MORN2: variants seen among roughly 807,000 people sequenced by gnomAD.
MORN2 encodes MORN repeat-containing protein 2.
MORN2 carries 15 observed loss-of-function variants against 13.4 expected under a neutral mutation model. The ratio of observed to expected loss-of-function variants is 1.12; its 90% CI spans 0.75 to 1.72. The LOEUF is 1.72. Among genes scored for constraint, MORN2 ranks in the 40% most tolerant of loss-of-function variants. The pLI, the probability that MORN2 is intolerant of heterozygous loss-of-function variation, is 0.00. For missense variants in MORN2, 168 were observed against 134.6 expected, an observed-to-expected ratio of 1.25 and a Z score of -1.23; for synonymous variants, 46 against 43.6, an observed-to-expected ratio of 1.06 and a Z score of -0.22.
rs1035728932 is a variant in MORN2 at position 38,882,360 on chromosome 2, G to C, written c.354-53G>C. On this transcript the variant is annotated intron_variant, in intron 4 of 4. Coordinates refer to ENST00000644631, the MANE Select transcript of MORN2 (RefSeq NM_001145450.3). ...ATTATGCTAGAAAATCTTATATCTG[G>C]ACTGTAAATTATTCATCTTTGTTAA... 8 of 1,143,850 alleles carry C rather than the reference G, an allele frequency of 7.0e-6. No homozygotes were observed. In the Admixed American group the frequency reaches 1.6e-4, roughly 24 times the overall value. The allele number at this position is 1,143,850 out of a possible 1,614,324, so 70.9% of individuals were successfully genotyped here. A position where few individuals can be genotyped will look rare whatever the true frequency, so the allele number is the denominator to read the frequency against.
intron 4 of MORN2, 122 bp from the exon 5 acceptor site, chr2:38,882,291 G>T: frequency 1.5e-4 from 32 of 212,572 alleles, no homozygotes; most frequent in East Asian, 7.0e-4. Context: ...GGGTTTAAAA[G>T]CAAAGCTTGA....
intron 1 of MORN2, among the ~76,000 whole-genome samples, chr2:38,878,838 C>T (rs999600921): frequency 6.6e-6 from 1 of 152,096 alleles, no homozygotes; most frequent in Non-Finnish European, 1.5e-5. Flanking sequence ...GCCTCCAAGC[C>T]TTTCTCAAGT....
At chr2:38,882,100 A>G (rs1017000235) in intron 4 of MORN2, among the ~76,000 whole-genome samples, 4 of 152,246 alleles carry the variant, frequency 2.6e-5, no homozygotes, top group African/African-American at 9.6e-5. Context: ...TAAGCTAGAT[A>G]ACCGATATAA....
Position 38,882,406 on chromosome 2 carries a change from A to G in MORN2, c.354-7A>G, listed in dbSNP as rs573062358. On this transcript the variant is annotated splice_region_variant and splice_polypyrimidine_tract_variant and intron_variant, in intron 4 of 4. Transcript: ENST00000644631. ...GTTAATGGAAAACTTATTTTCTACT[A>G]TTGCAGGGTGGAAGGTGAAGGGGAA... 5.9e-6 allele frequency: 9 copies of G among 1,530,340 alleles called. No individual in the cohort carries two copies. In the East Asian group the frequency reaches 7.4e-5, roughly 13 times the overall value. 94.8% of individuals were successfully genotyped at this position (1,530,340 alleles called of 1,614,324 possible). A position where few individuals can be genotyped will look rare whatever the true frequency, so the allele number is the denominator to read the frequency against.
rs992885411 is a variant in MORN2 at position 38,880,621 on chromosome 2, C to A, written c.131C>A (p.Ser44Tyr). ...TTAGATGGTGACTGTACAAGAACAT[C>A]TTCTGGAATCTACGAGAGAAATGGA... The change falls in exon 3 of 5, where the codon TCT (serine) becomes TAT (tyrosine). Residue 44 changes from serine to tyrosine, a missense_variant. Physicochemically the swap from Ser to Tyr is moderately radical, Grantham distance 144 (BLOSUM62 -2). Transcript: ENST00000644631. The A allele has an allele frequency of 1.2e-5, 18 of 1,541,396 alleles. No homozygotes were observed. In the Admixed American group the frequency reaches 3.2e-4, roughly 28 times the overall value.
At chr2:38,878,358 G>C (rs968725091) in intron 1 of MORN2, among the ~76,000 whole-genome samples, 2 of 152,080 alleles carry the variant, frequency 1.3e-5, no homozygotes, top group African/African-American at 2.4e-5. Context: ...ATTTTGCTTA[G>C]TTCCCATTTG....
rs890175045 is a variant in MORN2, at chr2:38,877,900, G to A, written c.58+1790G>A. 2.6e-5 allele frequency among the ~76,000 whole-genome samples: 4 copies of A among 151,642 alleles called. No individual in the cohort carries two copies. The Middle Eastern group carries it at 0.01, about 389-fold the overall frequency. On this transcript the variant is annotated intron_variant, in intron 1 of 4. Coordinates refer to ENST00000644631, the MANE Select transcript of MORN2 (RefSeq NM_001145450.3). ...CAGCCTTCACTTCCTGGGCTCAAGC[G>A]ATCCTCCCACCTCAGCCCCCAAGTA...
intron 3 of MORN2, 97 bp downstream of exon 3, chr2:38,880,803 G>A (rs1665758001): frequency 1.6e-6 from 2 of 1,275,352 alleles, no homozygotes; most frequent in South Asian, 1.5e-5. Context: ...CCTATAATGA[G>A]TAGACTATAT....
At chr2:38,880,566 C>T in intron 2 of MORN2, 34 bp from the exon 3 acceptor site, 2 of 1,405,666 alleles carry the variant, frequency 1.4e-6, no homozygotes, top group Non-Finnish European at 1.9e-6. Context: ...TAACTATTCT[C>T]ATTTATAATC....
intron 3 of MORN2, among the ~76,000 whole-genome samples, chr2:38,881,142 G>C (rs1013044701): frequency 2.0e-5 from 3 of 152,068 alleles, no homozygotes; most frequent in Non-Finnish European, 4.4e-5. Flanking sequence ...TAACTAAACT[G>C]GTTGCCCTTT....
At chr2:38,879,969 G>T (rs1055437918) in intron 1 of MORN2, among the ~76,000 whole-genome samples, 1 of 152,172 alleles carries the variant, frequency 6.6e-6, no homozygotes, top group Non-Finnish European at 1.5e-5. Flanking sequence ...AGTGCTGAAA[G>T]CACATTGGGT....
At chr2:38,881,315 A>G in intron 3 of MORN2, 127 bp from the exon 4 acceptor site, 1 of 768,078 alleles carries the variant, frequency 1.3e-6, no homozygotes, top group Middle Eastern at 2.9e-4. Context: ...ATACTATGGA[A>G]ATAAAGGACA....
At chr2:38,878,566 T>C (rs564647275) in intron 1 of MORN2, among the ~76,000 whole-genome samples, 1 of 152,332 alleles carries the variant, frequency 6.6e-6, no homozygotes, top group African/African-American at 2.4e-5. Flanking sequence ...ACTCACACTT[T>C]GTGCTACTTT....
chr2:38,877,528 T>C (rs1007518585), intron 1 of MORN2, among the ~76,000 whole-genome samples: 4 of 152,084 alleles, frequency 2.6e-5, no homozygotes, highest in Admixed American at 6.5e-5. Flanking sequence ...TGTTAATTAG[T>C]GTCTATATTT....
intron 3 of MORN2, 119 bp downstream of exon 3, chr2:38,880,825 CAA>C: frequency 9.4e-7 from 1 of 1,066,998 alleles, no homozygotes; most frequent in Non-Finnish European, 1.3e-6. Context: ...ATAAAAATAA[CAA>C]ATGATCATAT....
Position 38,882,660 on chromosome 2 carries a change from CT to C in MORN2, c.*148del, listed in dbSNP as rs1203928989. 7 of 503,452 alleles carry C rather than the reference CT, an allele frequency of 1.4e-5. No homozygotes were observed. Among genetic ancestry groups the C allele is most frequent in the African/African-American group, 1.3e-4 (7 of 52,100 alleles). 31.2% of individuals were successfully genotyped at this position (503,452 alleles called of 1,614,324 possible). ...CATCACCTGCTTACACCTTTTTGAA[CT>C]TTATATTCATTGTCTTACAATTAGT... On this transcript the variant is annotated 3_prime_UTR_variant, in exon 5 of 5. Coordinates refer to ENST00000644631, the MANE Select transcript of MORN2 (RefSeq NM_001145450.3).
chr2:38,878,351 T>C (rs1287165613), intron 1 of MORN2, among the ~76,000 whole-genome samples: 1 of 152,186 alleles, frequency 6.6e-6, no homozygotes, highest in Non-Finnish European at 1.5e-5. Context: ...GTGTGGGATT[T>C]TGCTTAGTTC....
rs755467920 is a variant in MORN2, at chr2:38,877,959, C to G, written c.58+1849C>G. 4.0e-5 allele frequency among the ~76,000 whole-genome samples: 6 copies of G among 150,010 alleles called. No homozygotes were observed. The East Asian group carries it at 1.2e-3, about 30-fold the overall frequency. ...AACAAGCATGCAACACCACACCCAG[C>G]TAATTCTTGTATTTTTTGTGGAGAA... is the stretch of plus-strand genomic sequence containing the variant. On this transcript the variant is annotated intron_variant, in intron 1 of 4. Coordinates refer to ENST00000644631, the MANE Select transcript of MORN2 (RefSeq NM_001145450.3).
At chr2:38,880,761 G>A in intron 3 of MORN2, 55 bp downstream of exon 3, 1 of 1,536,294 alleles carries the variant, frequency 6.5e-7, no homozygotes, top group South Asian at 1.2e-5. Flanking sequence ...TAGGTTTAGT[G>A]ATTCCAGGCA....
Sources: allele counts gnomAD v4.1 joint callset (sites outside exome capture counted in the v4.1 genomes callset), GRCh38; gene constraint gnomAD v4.1.1; transcripts MANE v1.5; gene names NCBI Gene and HGNC (gene_info 2026-07-23, HGNC 2026-07-21).